The following MMRN1 variants were observed in gnomAD, a reference collection of about 807,000 sequenced individuals.
MMRN1 encodes multimerin 1.
MMRN1 carries 94 observed loss-of-function variants against 100.7 expected under a neutral mutation model. The observed-to-expected ratio is 0.93, with a 90% CI of 0.79 to 1.11. MMRN1 has a LOEUF of 1.11. Ranked by LOEUF, MMRN1 falls within the 50% of genes least tolerant of loss-of-function variation. The pLI is 0.00. For synonymous variants in MMRN1, 575 were observed against 505.0 expected (o/e 1.14, Z -1.86); for missense variants, 1,606 against 1,439.1 (o/e 1.12, Z -1.88).
intron 5 of MMRN1, among the ~76,000 whole-genome samples, chr4:89,928,794 A>G (rs1326106318): frequency 6.6e-6 from 1 of 152,190 alleles, no homozygotes; most frequent in African/African-American, 2.4e-5. Flanking sequence ...GGATAATCAG[A>G]AAAATCTCTC....
chr4:89,879,639 C>T (rs1237069199), intron 1 of MMRN1: 1 of 151,976 alleles, frequency 6.6e-6, no homozygotes, highest in Non-Finnish European at 1.5e-5. Context: ...TTAACATTTG[C>T]TTATTTTTGT....
chr4:89,943,764 C>T (rs1032683855), intron 6 of MMRN1, among the ~76,000 whole-genome samples: 1 of 152,020 alleles, frequency 6.6e-6, no homozygotes, highest in African/African-American at 2.4e-5. Context: ...CTAAGGTGTG[C>T]AGATCACTTA....
chr4:89,914,253 C>A (rs1202041506), intron 3 of MMRN1, among the ~76,000 whole-genome samples: 1 of 151,452 alleles, frequency 6.6e-6, no homozygotes, highest in Non-Finnish European at 1.5e-5. Context: ...TTCTCCCCCA[C>A]TTTTGTACCC....
At chr4:89,900,607 T>C (rs1413800790) in intron 1 of MMRN1, among the ~76,000 whole-genome samples, 1 of 152,010 alleles carries the variant, frequency 6.6e-6, no homozygotes, top group East Asian at 1.9e-4. Flanking sequence ...CCGCAATACA[T>C]CCCATGAAAA....
intron 2 of MMRN1, among the ~76,000 whole-genome samples, chr4:89,911,664 G>A (rs991393837): frequency 1.3e-5 from 2 of 151,312 alleles, no homozygotes; most frequent in African/African-American, 4.8e-5. Context: ...TTAGCAAGAA[G>A]TATTATCAAG....
intron 1 of MMRN1, among the ~76,000 whole-genome samples, chr4:89,884,321 A>C (rs1483141262): frequency 6.6e-6 from 1 of 152,072 alleles, no homozygotes; most frequent in Non-Finnish European, 1.5e-5. Flanking sequence ...CAAGTTTTCC[A>C]GTCCTTGAAC....
rs1385440156 is a variant in MMRN1, at chr4:89,935,166, C to T, written c.1486C>T (p.His496Tyr). ...THLEGALEQE[H>Y]SRSILYYESL... The stretch of plus-strand genomic sequence containing the variant: ...TTTAGAAGGTGCTCTAGAACAGGAA[C>T]ACTCAAGAAGCATTCTGTATTATGA... Residue 496 changes from histidine (H) to tyrosine (Y), a missense_variant, in exon 6 of 8, where the codon CAC becomes TAC. By Grantham distance (83) the His-to-Tyr change is moderately conservative. Transcript: ENST00000264790. The T allele has an allele frequency of 1.2e-6, 2 of 1,613,238 alleles. No homozygotes were observed. Among genetic ancestry groups the T allele is most frequent in the Admixed American group, 3.3e-5 (2 of 59,918 alleles).
chr4:89,901,921 G>A (rs1721401362), intron 1 of MMRN1: 1 of 151,648 alleles, frequency 6.6e-6, no homozygotes, highest in Admixed American at 6.6e-5. Context: ...ATTATTTGGG[G>A]GTAAATGCTA....
intron 5 of MMRN1, among the ~76,000 whole-genome samples, chr4:89,931,802 C>T (rs181819035): frequency 1.3e-5 from 2 of 152,274 alleles, no homozygotes; most frequent in Admixed American, 6.5e-5. Flanking sequence ...TTATCTCCCA[C>T]TGGGTCCCTC....
At chr4:89,919,250 A>T (rs1380480650) in intron 3 of MMRN1, among the ~76,000 whole-genome samples, 1 of 151,382 alleles carries the variant, frequency 6.6e-6, no homozygotes, top group East Asian at 1.9e-4. Context: ...CTTTATTAAC[A>T]TTATCGGATA....
intron 3 of MMRN1, among the ~76,000 whole-genome samples, chr4:89,918,810 A>G (rs1722000670): frequency 6.6e-6 from 1 of 151,842 alleles, no homozygotes; most frequent in African/African-American, 2.4e-5. Context: ...ATTTTCACAT[A>G]CACAAATTTT....
chr4:89,930,875 T>TAAAAATGC (rs1468293788), intron 5 of MMRN1, among the ~76,000 whole-genome samples: 10 of 152,084 alleles, frequency 6.6e-5, no homozygotes, highest in African/African-American at 2.4e-4. Flanking sequence ...ATGTAGAAGA[T>TAAAAATGC]AAAAATGCTT....
chr4:89,905,688 C>T (rs1370993456), intron 1 of MMRN1, among the ~76,000 whole-genome samples: 2 of 151,394 alleles, frequency 1.3e-5, no homozygotes, highest in South Asian at 2.1e-4. Flanking sequence ...TAAATCTCTA[C>T]GTTAAAGGGC....
Position 89,951,623 on chromosome 4 carries a change from GTCGGCA to G in MMRN1, c.3140_3145del (p.Arg1047_His1048del). 6.5e-7 allele frequency: 1 copy of G among 1,530,140 alleles called. No individual in the cohort carries two copies. Among genetic ancestry groups the G allele is most frequent in the Non-Finnish European group, 8.7e-7 (1 of 1,142,926 alleles). 94.8% of individuals were successfully genotyped at this position (1,530,140 alleles called of 1,614,324 possible). A position where few individuals can be genotyped will look rare whatever the true frequency, so the allele number is the denominator to read the frequency against. On this transcript the variant is annotated inframe_deletion, in exon 7 of 8. Transcript: ENST00000264790. ...GTAACAGAGGAGTATTCAAGCTGTA[GTCGGCA>G]TCCGTGCCAAAATGGGGGCACGTGC... is the stretch of plus-strand genomic sequence containing the variant.
At chr4:89,894,801 G>C, upstream of MMRN1, 1 of 1,231,828 alleles carries the variant, frequency 8.1e-7, no homozygotes. Context: ...TACAGAAACA[G>C]GAAACCGAAC....
intron 1 of MMRN1, among the ~76,000 whole-genome samples, chr4:89,879,975 A>T (rs563909077): frequency 1.4e-4 from 22 of 152,324 alleles, no homozygotes; most frequent in Non-Finnish European, 2.4e-4. Flanking sequence ...ACATGGTATG[A>T]TGCTGGTTTT....
intron 6 of MMRN1, among the ~76,000 whole-genome samples, chr4:89,950,877 G>A (rs957512588): frequency 2.0e-5 from 3 of 151,748 alleles, no homozygotes; most frequent in African/African-American, 7.3e-5. Context: ...CATTTTTAAG[G>A]GAGAATTTTT....
chr4:89,911,974 G>A lies in MMRN1; in HGVS notation c.774G>A (p.Arg258=), dbSNP rs147260747. The A allele has an allele frequency of 5.6e-5, 90 of 1,603,504 alleles. No homozygotes were observed. The African/African-American group carries it at 1.1e-3, about 20-fold the overall frequency. ...AGAAGATATCCAATCCTGTCTATAG[G>A]ATGCAACATAAAATTGTCACCTCAT... The part of the protein sequence containing the change: ...RSQKISNPVY[R]MQHKIVTSLD... The change falls in exon 3 of 8, where the codon AGG becomes AGA. Residue 258 remains arginine, a synonymous_variant. Coordinates refer to ENST00000264790, the MANE Select transcript of MMRN1 (RefSeq NM_007351.3).
chr4:89,883,961 G>A (rs556362982), intron 1 of MMRN1, among the ~76,000 whole-genome samples: 27 of 152,046 alleles, frequency 1.8e-4, no homozygotes, highest in Non-Finnish European at 2.5e-4. Flanking sequence ...TTAAATTCAC[G>A]TATTTGTTCC....
Sources: allele counts gnomAD v4.1 joint callset (sites outside exome capture counted in the v4.1 genomes callset), GRCh38; gene constraint gnomAD v4.1.1; transcripts MANE v1.5; gene names NCBI Gene and HGNC (gene_info 2026-07-23, HGNC 2026-07-21).